The following MCM3AP variants were observed in gnomAD, a reference collection of about 807,000 sequenced individuals.
MCM3AP encodes the protein germinal-center associated nuclear protein.
Under a neutral mutation model 184.1 loss-of-function variants are expected in MCM3AP, and 126 were observed. That is an observed-to-expected ratio of 0.68 (90% CI 0.59 to 0.79). The LOEUF (loss-of-function observed/expected upper bound fraction) is 0.79. MCM3AP is among the 30% of genes least tolerant of loss of function. The pLI, the probability that MCM3AP is intolerant of heterozygous loss-of-function variation, is 0.00. For missense variants in MCM3AP, 2,496 were observed against 2,479.2 expected (o/e 1.01, Z -0.14); for synonymous variants, 1,002 against 979.3 (o/e 1.02, Z -0.43).
At chr21:46,282,614 C>T (rs1451682154) in intron 2 of MCM3AP, among the ~76,000 whole-genome samples, 2 of 152,004 alleles carry the variant, frequency 1.3e-5, no homozygotes, top group East Asian at 3.9e-4. Context: ...ACCATCCTGG[C>T]TGACACAGTG....
At chr21:46,283,480 C>T in intron 2 of MCM3AP, 135 bp downstream of exon 2, 1 of 627,766 alleles carries the variant, frequency 1.6e-6, no homozygotes, top group Admixed American at 2.8e-5. Context: ...CTATCCCAGC[C>T]TATGCTAATA....
intron 22 of MCM3AP, 90 bp from the exon 23 acceptor site, chr21:46,245,287 C>T: frequency 2.4e-6 from 3 of 1,255,448 alleles, no homozygotes; most frequent in Non-Finnish European, 3.3e-6. Context: ...AGGTTGCCCA[C>T]AGCAGGTAAT....
At chr21:46,254,683 C>G (rs2080921507) in intron 18 of MCM3AP, 93 bp downstream of exon 18, 1 of 1,430,626 alleles carries the variant, frequency 7.0e-7, no homozygotes. Flanking sequence ...TCGAAGAGAC[C>G]TCAGTTGGAG....
Position 46,237,587 on chromosome 21 carries a change from G to A in MCM3AP, c.5634-608C>T, listed in dbSNP as rs546329599. On this transcript the variant is annotated intron_variant, in intron 26 of 27. Transcript: ENST00000291688. ...AATTTTTGTATTTTTTTGTAGAAAC[G>A]GGATTTTGCTGTATTGTCAGGCTAG... Among the ~76,000 whole-genome samples the A allele has an allele frequency of 3.7e-4, 42 of 112,232 alleles. 8 individuals are homozygous for A. The South Asian group carries it at 0.011, about 28-fold the overall frequency. The allele number at this position is 112,232 out of a possible 152,430, so 73.6% of individuals were successfully genotyped here.
intron 2 of MCM3AP, among the ~76,000 whole-genome samples, chr21:46,282,485 C>T (rs1240077585): frequency 1.3e-5 from 2 of 152,156 alleles, no homozygotes; most frequent in African/African-American, 2.4e-5. Flanking sequence ...AAGCAGTCCA[C>T]GTTCACTGCA....
intron 2 of MCM3AP, among the ~76,000 whole-genome samples, chr21:46,282,699 G>A (rs910761986): frequency 6.6e-6 from 1 of 151,822 alleles, no homozygotes; most frequent in Non-Finnish European, 1.5e-5. Flanking sequence ...CAGCTACTCC[G>A]GAGGCTGAGG....
chr21:46,282,704 C>G (rs2081349164), intron 2 of MCM3AP, among the ~76,000 whole-genome samples: 1 of 151,756 alleles, frequency 6.6e-6, no homozygotes, highest in Non-Finnish European at 1.5e-5. Flanking sequence ...ACTCCGGAGG[C>G]TGAGGCAGGA....
At chr21:46,262,800 T>C (rs1485940348) in intron 13 of MCM3AP, among the ~76,000 whole-genome samples, 1 of 147,770 alleles carries the variant, frequency 6.8e-6, no homozygotes, top group African/African-American at 2.5e-5. Flanking sequence ...ACCCTGTCTC[T>C]ACTAAAAATA....
At chr21:46,280,632 G>C in intron 2 of MCM3AP, 57 bp from the exon 3 acceptor site, 17 of 1,250,324 alleles carry the variant, frequency 1.4e-5, no homozygotes, top group Non-Finnish European at 1.7e-5. Context: ...AAAGGAAATG[G>C]GATTGAAAAC....
At chr21:46,280,747 G>A (rs886507639) in intron 2 of MCM3AP, among the ~76,000 whole-genome samples, 172 bp from the exon 3 acceptor site, 1 of 152,134 alleles carries the variant, frequency 6.6e-6, no homozygotes, top group African/African-American at 2.4e-5. Flanking sequence ...CATGGTCTCT[G>A]GCTGCGGCAG....
Position 46,275,256 on chromosome 21 carries a change from T to G in MCM3AP, c.1928A>C (p.Glu643Ala), listed in dbSNP as rs2145702423. 6.2e-7 allele frequency: 1 copy of G among 1,614,148 alleles called. No homozygotes were observed. The highest frequency in any genetic ancestry group is 8.5e-7 in the Non-Finnish European group (1 of 1,180,010). Residue 643 changes from glutamate to alanine, a missense_variant, in exon 6 of 28, where the codon GAG (glutamate) becomes GCG (alanine). Transcript: ENST00000291688. ...GGTCTCCCGCATGTACCTCTCCTTCTCAGGACACATATCCAGGCAGGTGCC... is the reference window on the plus strand; with the variant it reads ...GGTCTCCCGCATGTACCTCTCCTTCGCAGGACACATATCCAGGCAGGTGCC... ...FVGTCLDMCP[E>A]KERYMRETRS...
rs570972744 is a variant in MCM3AP, at chr21:46,266,863, A to G, written c.2789+119T>C. On this transcript the variant is annotated intron_variant, in intron 10 of 27. Coordinates refer to ENST00000291688, the MANE Select transcript of MCM3AP (RefSeq NM_003906.5). ...TTCTGAGTCTCGTGTGTTCACCTGC[A>G]TGGCAGAGGGAATGCACCTTCTTCA... 24 of 1,089,742 alleles carry G rather than the reference A, an allele frequency of 2.2e-5. No individual in the cohort carries two copies. The East Asian group carries it at 3.1e-4, about 14-fold the overall frequency. 67.5% of individuals were successfully genotyped at this position (1,089,742 alleles called of 1,614,324 possible). A position where few individuals can be genotyped will look rare whatever the true frequency, so the allele number is the denominator to read the frequency against.
chr21:46,239,916 C>T (rs970949538), intron 26 of MCM3AP, among the ~76,000 whole-genome samples: 4 of 151,998 alleles, frequency 2.6e-5, no homozygotes, highest in East Asian at 3.9e-4. Flanking sequence ...CTGGGATTCA[C>T]GGTCATGTTC....
intron 13 of MCM3AP, among the ~76,000 whole-genome samples, chr21:46,263,403 C>T (rs922692219): frequency 2.0e-5 from 3 of 152,092 alleles, no homozygotes; most frequent in Non-Finnish European, 4.4e-5. Context: ...TTGAAAACTA[C>T]AAAGCATTGT....
chr21:46,272,951 A>T, intron 7 of MCM3AP, 122 bp from the exon 8 acceptor site: 6 of 941,816 alleles, frequency 6.4e-6, no homozygotes, highest in Non-Finnish European at 9.4e-6. Context: ...CATGATGCAC[A>T]TTTTAATAGG....
intron 4 of MCM3AP, among the ~76,000 whole-genome samples, chr21:46,279,491 A>G (rs2081299673): frequency 6.6e-6 from 1 of 152,284 alleles, no homozygotes; most frequent in Non-Finnish European, 1.5e-5. Context: ...TGTGTCCCAC[A>G]GAGCAGGCAC....
upstream of MCM3AP, chr21:46,285,649 A>G (rs1226016501): frequency 8.1e-5 from 15 of 184,168 alleles, no homozygotes; most frequent in East Asian, 2.2e-3. Flanking sequence ...CTGAGTTAGT[A>G]AATTCATGAA....
At position 46,265,999 on chromosome 21, in the gene MCM3AP, T is replaced by TG; in HGVS notation, c.2956dup (p.Gln986ProfsTer80). 6.2e-7 allele frequency: 1 copy of TG among 1,608,902 alleles called. No individual in the cohort carries two copies. The highest frequency in any genetic ancestry group is 8.5e-7 in the Non-Finnish European group (1 of 1,177,326). On this transcript the variant is annotated frameshift_variant, in exon 11 of 28. Transcript: ENST00000291688. LOFTEE classifies it high-confidence loss of function. ...CAGGCTCTCCCCGATGTACTTGTTC[T>TG]GGGAGTTGAAGCTGCACACAGGGGT...
At chr21:46,261,050 C>T (rs767298698) in intron 14 of MCM3AP, 144 bp from the exon 15 acceptor site, 2 of 819,064 alleles carry the variant, frequency 2.4e-6, no homozygotes, top group Non-Finnish European at 3.9e-6. Flanking sequence ...CCCCTGACAC[C>T]ACCTCCCTTC....
Sources: allele counts gnomAD v4.1 joint callset (sites outside exome capture counted in the v4.1 genomes callset), GRCh38; gene constraint gnomAD v4.1.1; transcripts MANE v1.5; gene names NCBI Gene and HGNC (gene_info 2026-07-23, HGNC 2026-07-21).